Variants in RBFOX1 observed in about 807,000 individuals in gnomAD.
The protein encoded by RBFOX1 is RNA binding fox-1 homolog 1.
RBFOX1 carries 8 observed loss-of-function variants against 57.7 expected under a neutral mutation model. The ratio of observed to expected loss-of-function variants is 0.14; its 90% CI spans 0.08 to 0.25. The LOEUF (loss-of-function observed/expected upper bound fraction) is 0.25, where lower values mean the gene tolerates loss of function less well. Ranked by LOEUF, RBFOX1 falls within the 10% of genes least tolerant of loss-of-function variation. The pLI is 1.00. For missense variants in RBFOX1, 611 were observed against 548.5 expected, an observed-to-expected ratio of 1.11 and a Z score of -1.14; for synonymous variants, 326 against 222.4, an observed-to-expected ratio of 1.47 and a Z score of -4.15.
intron 1 of RBFOX1, among the ~76,000 whole-genome samples, chr16:6,036,152 A>G (rs942580277): frequency 6.6e-5 from 10 of 152,176 alleles, no homozygotes; most frequent in Non-Finnish European, 1.3e-4. Flanking sequence ...AACTGAGACA[A>G]TTCCCTCAGC....
At chr16:7,285,362 A>G (rs952876576) in intron 4 of RBFOX1, among the ~76,000 whole-genome samples, 18 of 150,962 alleles carry the variant, frequency 1.2e-4, no homozygotes, top group African/African-American at 3.7e-4. Context: ...AATTTCCCCA[A>G]TGTTACTTGC....
At chr16:7,443,729 C>G (rs1412226351) in intron 4 of RBFOX1, among the ~76,000 whole-genome samples, 1 of 152,152 alleles carries the variant, frequency 6.6e-6, no homozygotes. Context: ...TTGTCTTATT[C>G]AAACCTCTCT....
At chr16:6,057,980 G>A (rs1012249894) in intron 1 of RBFOX1, among the ~76,000 whole-genome samples, 3 of 152,020 alleles carry the variant, frequency 2.0e-5, no homozygotes, top group Non-Finnish European at 4.4e-5. Flanking sequence ...AAGCAAGCCT[G>A]AAGGCTGCAC....
At chr16:7,278,357 C>T (rs1212946095) in intron 4 of RBFOX1, among the ~76,000 whole-genome samples, 1 of 152,048 alleles carries the variant, frequency 6.6e-6, no homozygotes, top group Non-Finnish European at 1.5e-5. Context: ...CTTAAATTTA[C>T]CCAAGATCAA....
intron 3 of RBFOX1, among the ~76,000 whole-genome samples, chr16:5,808,703 T>A (rs2055315429): frequency 6.6e-6 from 1 of 152,208 alleles, no homozygotes; most frequent in African/African-American, 2.4e-5. Flanking sequence ...AGTTCACTCA[T>A]GATTTGGCTC....
At chr16:6,839,641 A>C (rs181470616) in intron 3 of RBFOX1, among the ~76,000 whole-genome samples, 19 of 152,312 alleles carry the variant, frequency 1.2e-4, no homozygotes, top group African/African-American at 3.4e-4. Context: ...GCTGTGAGAC[A>C]CACAGCCTGT....
intron 2 of RBFOX1, among the ~76,000 whole-genome samples, chr16:6,574,428 T>A (rs1328184205): frequency 7.4e-6 from 1 of 134,460 alleles, no homozygotes; most frequent in Non-Finnish European, 1.6e-5. Context: ...TCTTCTATTT[T>A]TTTTTTTTTT....
chr16:6,553,986 C>T (rs11077048), intron 2 of RBFOX1, among the ~76,000 whole-genome samples: 1 of 151,962 alleles, frequency 6.6e-6, no homozygotes, highest in Admixed American at 6.6e-5. Context: ...TTTGGAAACC[C>T]CAGGGTCTGG....
At chr16:5,585,245 A>T (rs1009491124) in intron 2 of RBFOX1, among the ~76,000 whole-genome samples, 5 of 152,112 alleles carry the variant, frequency 3.3e-5, no homozygotes, top group Non-Finnish European at 4.4e-5. Context: ...GATATTTCAC[A>T]TCAGTAAAAT....
chr16:6,012,023 C>G (rs749820425), intron 4 of RBFOX1, among the ~76,000 whole-genome samples: 20 of 152,228 alleles, frequency 1.3e-4, no homozygotes, highest in Non-Finnish European at 2.6e-4. Context: ...AGTCACCACT[C>G]ACTTCCACAG....
intron 14 of RBFOX1, among the ~76,000 whole-genome samples, chr16:7,690,651 T>C (rs2077115204): frequency 7.2e-6 from 1 of 139,512 alleles, no homozygotes; most frequent in African/African-American, 2.7e-5. Context: ...GTCCAGAATA[T>C]ACCTGCATTG....
chr16:6,646,769 G>T (rs566337724), intron 2 of RBFOX1, among the ~76,000 whole-genome samples: 36 of 152,108 alleles, frequency 2.4e-4, no homozygotes, highest in African/African-American at 8.2e-4. Context: ...TTAATCTCCC[G>T]TTTCTGTTTA....
At chr16:6,569,872 C>T (rs1300618591) in intron 2 of RBFOX1, among the ~76,000 whole-genome samples, 1 of 152,194 alleles carries the variant, frequency 6.6e-6, no homozygotes, top group Non-Finnish European at 1.5e-5. Flanking sequence ...AATCCAATCT[C>T]CTTCAATCAA....
chr16:7,244,247 CAAAAAA>C (rs60054791), intron 4 of RBFOX1, among the ~76,000 whole-genome samples: 268 of 99,226 alleles, frequency 2.7e-3, no homozygotes, highest in South Asian at 9.8e-3. Context: ...CAAAGTATTC[CAAAAAA>C]AAAAAAAAAA....
chr16:6,629,064 T>G (rs1013340735), intron 2 of RBFOX1, among the ~76,000 whole-genome samples: 1 of 152,182 alleles, frequency 6.6e-6, no homozygotes, highest in African/African-American at 2.4e-5. Flanking sequence ...ATACTAAACC[T>G]ATGATTCCAT....
intron 1 of RBFOX1, among the ~76,000 whole-genome samples, chr16:6,205,604 G>T (rs550718242): frequency 4.3e-4 from 66 of 152,220 alleles, no homozygotes; most frequent in African/African-American, 1.6e-3. Flanking sequence ...GTGTACAGCA[G>T]TGATCTGGCA....
intron 4 of RBFOX1, among the ~76,000 whole-genome samples, chr16:7,198,937 T>C (rs781479723): frequency 3.9e-5 from 6 of 152,166 alleles, no homozygotes; most frequent in Non-Finnish European, 5.9e-5. Context: ...GTATGAACCA[T>C]GCTTGCAGGA....
intron 4 of RBFOX1, among the ~76,000 whole-genome samples, chr16:7,120,830 T>TATATACACACACACAC (rs1226442313): frequency 1.0e-4 from 9 of 86,542 alleles, no homozygotes; most frequent in Non-Finnish European, 2.3e-4. Flanking sequence ...TATGTATATA[T>TATATACACACACACAC]ACACACACAC....
intron 2 of RBFOX1, chr16:6,483,564 C>T (rs1382797299): frequency 2.0e-6 from 3 of 1,532,702 alleles, no homozygotes; most frequent in Non-Finnish European, 1.7e-6. Context: ...GCGAAGAAGA[C>T]TCTAAAACAC....
Sources: gnomAD v4.1 joint callset for allele counts (sites outside exome capture counted in the v4.1 genomes callset) on GRCh38, gnomAD v4.1.1 for gene constraint, MANE v1.5 for transcripts, NCBI Gene and HGNC (gene_info 2026-07-23, HGNC 2026-07-21) for gene names.